Variants in RBM46 observed in about 807,000 individuals in gnomAD.
The protein encoded by RBM46 is RNA binding motif protein 46, also known as probable RNA-binding protein 46.
RBM46 carries 12 observed loss-of-function variants against 43.3 expected under a neutral mutation model. That is an observed-to-expected ratio of 0.28 (90% CI 0.18 to 0.45). The LOEUF (loss-of-function observed/expected upper bound fraction) is 0.45. Among genes scored for constraint, RBM46 ranks in the 20% least tolerant of loss-of-function variants. RBM46 has a pLI of 1.00. For synonymous variants in RBM46, 205 were observed against 207.6 expected (o/e 0.99, Z 0.11); for missense variants, 412 against 639.1 (o/e 0.64, Z 3.83).
intron 4 of RBM46, chr4:154,826,912 A>G: frequency 1.5e-6 from 2 of 1,370,522 alleles, no homozygotes; most frequent in Non-Finnish European, 1.9e-6. Flanking sequence ...ATAGAAAAAA[A>G]CCTTACCTGT....
chr4:154,803,702 CAAAAAAAAAAAAA>C (rs35506499), intron 4 of RBM46, among the ~76,000 whole-genome samples: 1 of 41,324 alleles, frequency 2.4e-5, no homozygotes, highest in African/African-American at 8.8e-5. Flanking sequence ...GACTACGTCT[CAAAAAAAAAAAAA>C]AAAAAAAAAA....
chr4:154,825,331 A>G (rs376989188), intron 4 of RBM46, among the ~76,000 whole-genome samples: 1 of 152,138 alleles, frequency 6.6e-6, no homozygotes, highest in East Asian at 1.9e-4. Context: ...GGAAAACATG[A>G]TTGTACTTTT....
At chr4:154,823,891 C>A (rs1207139606) in intron 4 of RBM46, among the ~76,000 whole-genome samples, 14 of 151,996 alleles carry the variant, frequency 9.2e-5, no homozygotes, top group Admixed American at 9.2e-4. Flanking sequence ...AGACACACCA[C>A]CAGAATCTTT....
intron 4 of RBM46, among the ~76,000 whole-genome samples, chr4:154,810,185 AG>A (rs1343652194): frequency 6.6e-6 from 1 of 152,158 alleles, no homozygotes; most frequent in Non-Finnish European, 1.5e-5. Context: ...AATGAAAGCC[AG>A]CCAAGGGTGA....
intron 4 of RBM46, among the ~76,000 whole-genome samples, chr4:154,812,618 G>A (rs1005791998): frequency 6.6e-6 from 1 of 152,064 alleles, no homozygotes; most frequent in African/African-American, 2.4e-5. Context: ...CCAATACATA[G>A]TTTAGCCATA....
chr4:154,827,262 T>G (rs1736011444), intron 4 of RBM46: 4 of 935,648 alleles, frequency 4.3e-6, no homozygotes, highest in African/African-American at 1.8e-5. Flanking sequence ...GATAATGGTT[T>G]TTTGAAGTTT....
rs1459603702 is a variant in RBM46, at chr4:154,798,792, A to G, written c.630A>G (p.Gln210=). ...ARRKLIPGTF[Q]LWGHTIQVDW... is the part of the protein sequence containing the mutation. ...ATTTTTTTTTTACAGGAACATTCCAACTATGGGGCCACACCATTCAGGTAG... is the reference window on the plus strand; with the variant it reads ...ATTTTTTTTTTACAGGAACATTCCAGCTATGGGGCCACACCATTCAGGTAG... Residue 210 remains glutamine, a synonymous_variant, in exon 4 of 5, where the codon CAA becomes CAG. Coordinates refer to ENST00000281722, the MANE Select transcript of RBM46 (RefSeq NM_144979.5). 4 of 1,491,202 alleles carry G rather than the reference A, an allele frequency of 2.7e-6. No homozygotes were observed. Among genetic ancestry groups the G allele is most frequent in the Non-Finnish European group, 3.6e-6 (4 of 1,124,702 alleles). 92.4% of individuals were successfully genotyped at this position (1,491,202 alleles called of 1,614,324 possible).
chr4:154,815,121 A>G (rs904366093), intron 4 of RBM46, among the ~76,000 whole-genome samples: 13 of 151,870 alleles, frequency 8.6e-5, no homozygotes, highest in African/African-American at 3.1e-4. Flanking sequence ...TTTTAACATT[A>G]TGTTTGTGGA....
chr4:154,827,372 A>G (rs1244970963), intron 4 of RBM46: 2 of 984,578 alleles, frequency 2.0e-6, no homozygotes, highest in East Asian at 1.1e-4. Context: ...ATTAGTATTT[A>G]AATAATGAAA....
At chr4:154,826,229 G>C (rs1347254014) in intron 4 of RBM46, among the ~76,000 whole-genome samples, 1 of 151,324 alleles carries the variant, frequency 6.6e-6, no homozygotes, top group African/African-American at 2.4e-5. Context: ...AGGCTGAGGT[G>C]GGTGGATCAC....
At chr4:154,805,379 T>C (rs1734859548) in intron 4 of RBM46, among the ~76,000 whole-genome samples, 1 of 152,164 alleles carries the variant, frequency 6.6e-6, no homozygotes, top group African/African-American at 2.4e-5. Flanking sequence ...TACTTACTTA[T>C]TTCAGTATTC....
chr4:154,801,476 T>C (rs1178674574), intron 4 of RBM46, among the ~76,000 whole-genome samples: 1 of 152,202 alleles, frequency 6.6e-6, no homozygotes, highest in Admixed American at 6.5e-5. Flanking sequence ...AAGTTAAAGA[T>C]AAAATTGTTA....
chr4:154,818,257 AT>A (rs999500613), intron 4 of RBM46, among the ~76,000 whole-genome samples: 1 of 151,948 alleles, frequency 6.6e-6, no homozygotes, highest in East Asian at 1.9e-4. Context: ...ACTGATTCAT[AT>A]TTTCTTTTGT....
At position 154,797,998 on chromosome 4, in the gene RBM46, A is replaced by C; in HGVS notation, c.339A>C (p.Glu113Asp). Residue 113 changes from glutamate to aspartate, a missense_variant, in exon 3 of 5, where the codon GAA (glutamate) becomes GAC (aspartate). Glu to Asp is a conservative substitution (Grantham distance 45). Coordinates refer to ENST00000281722, the MANE Select transcript of RBM46 (RefSeq NM_144979.5). Reference sequence around the variant, plus strand: ...TTGTGATGTACACTACAAAAGAAGAAGCCCAATTAGCCATCAGAATTCTTA... The same window carrying C: ...TTGTGATGTACACTACAAAAGAAGACGCCCAATTAGCCATCAGAATTCTTA... ...YAFVMYTTKE[E>D]AQLAIRILNN... is the part of the protein sequence containing the mutation. 6.2e-7 allele frequency: 1 copy of C among 1,612,782 alleles called. No homozygotes were observed. The highest frequency in any genetic ancestry group is 1.3e-5 in the African/African-American group (1 of 74,948).
rs1734433765 is a variant in RBM46, at chr4:154,797,984, A to G, written c.325A>G (p.Thr109Ala). ...ENRGYAFVMY[T>A]TKEEAQLAIR... is the part of the protein sequence containing the mutation. The stretch of plus-strand genomic sequence containing the variant: ...TCGAGGTTATGCTTTTGTGATGTAC[A>G]CTACAAAAGAAGAAGCCCAATTAGC... The change falls in exon 3 of 5, where the codon ACT becomes GCT. Residue 109 changes from threonine (T) to alanine (A), a missense_variant. Coordinates refer to ENST00000281722, the MANE Select transcript of RBM46 (RefSeq NM_144979.5). 1.9e-6 allele frequency: 3 copies of G among 1,611,600 alleles called. No individual in the cohort carries two copies. Among genetic ancestry groups the G allele is most frequent in the African/African-American group, 1.3e-5 (1 of 74,772 alleles).
chr4:154,793,003 C>T (rs1734176070), intron 1 of RBM46, among the ~76,000 whole-genome samples: 1 of 152,192 alleles, frequency 6.6e-6, no homozygotes, highest in Non-Finnish European at 1.5e-5. Context: ...TATTCCTACT[C>T]ACCAATGATA....
At chr4:154,788,010 C>T (rs1029411660) in intron 1 of RBM46, among the ~76,000 whole-genome samples, 5 of 152,142 alleles carry the variant, frequency 3.3e-5, no homozygotes, top group Admixed American at 2.6e-4. Flanking sequence ...TCATATCCTT[C>T]GCCTACTTTT....
chr4:154,814,058 GT>G (rs1302475680), intron 4 of RBM46, among the ~76,000 whole-genome samples: 2 of 151,892 alleles, frequency 1.3e-5, no homozygotes, highest in Non-Finnish European at 2.9e-5. Context: ...TATCTACAAT[GT>G]TATGTTTTGT....
intron 1 of RBM46, among the ~76,000 whole-genome samples, chr4:154,784,419 G>T (rs892898255): frequency 6.6e-6 from 1 of 152,110 alleles, no homozygotes; most frequent in Non-Finnish European, 1.5e-5. Flanking sequence ...TGTTAAGAAG[G>T]TTAAAATTAA....
Sources: allele counts gnomAD v4.1 joint callset (sites outside exome capture counted in the v4.1 genomes callset), GRCh38; gene constraint gnomAD v4.1.1; transcripts MANE v1.5; gene names NCBI Gene and HGNC (gene_info 2026-07-23, HGNC 2026-07-21).